The following EYS variants were observed in gnomAD, a reference collection of about 807,000 sequenced individuals.
The protein encoded by EYS is protein eyes shut homolog.
Under a neutral mutation model 282.1 loss-of-function variants are expected in EYS, and 250 were observed. The observed-to-expected ratio is 0.89, with a 90% CI of 0.80 to 0.98. The LOEUF is 0.98. Ranked by LOEUF, EYS falls within the 50% of genes least tolerant of loss-of-function variation. EYS has a pLI of 0.00. For missense variants in EYS, 4,016 were observed against 3,709.0 expected (o/e 1.08, Z -2.15); for synonymous variants, 1,355 against 1,282.9 (o/e 1.06, Z -1.20).
At chr6:65,205,187 T>C (rs1766006045) in intron 12 of EYS, among the ~76,000 whole-genome samples, 1 of 150,192 alleles carries the variant, frequency 6.7e-6, no homozygotes, top group Admixed American at 6.7e-5. Flanking sequence ...GACACATATA[T>C]ACTCAAAGTA....
chr6:64,409,583 T>C (rs1457067178), intron 28 of EYS, among the ~76,000 whole-genome samples: 1 of 152,158 alleles, frequency 6.6e-6, no homozygotes, highest in Non-Finnish European at 1.5e-5. Flanking sequence ...ACCATGCCAC[T>C]GGTCATGAGG....
At chr6:65,171,462 C>T (rs776486911) in intron 12 of EYS, among the ~76,000 whole-genome samples, 6 of 151,478 alleles carry the variant, frequency 4.0e-5, no homozygotes, top group Non-Finnish European at 7.4e-5. Flanking sequence ...GTCCAGTATG[C>T]TATTCATACT....
At chr6:65,625,410 A>G (rs73453388) in intron 2 of EYS, among the ~76,000 whole-genome samples, 1 of 152,330 alleles carries the variant, frequency 6.6e-6, no homozygotes, top group African/African-American at 2.4e-5. Context: ...ACAGAAAACT[A>G]ATGCAGGCAT....
intron 6 of EYS, among the ~76,000 whole-genome samples, chr6:65,403,477 G>A (rs139192712): frequency 8.9e-4 from 135 of 151,428 alleles, no homozygotes; most frequent in Non-Finnish European, 1.5e-3. Context: ...AGATTCCAAG[G>A]TAAAAAGCCC....
chr6:65,393,138 C>G (rs1414193639), intron 7 of EYS, among the ~76,000 whole-genome samples: 1 of 144,040 alleles, frequency 6.9e-6, no homozygotes, highest in Non-Finnish European at 1.5e-5. Context: ...CACATGGACA[C>G]AGGAAGGGGA....
At chr6:64,496,003 A>G (rs928892725) in intron 26 of EYS, among the ~76,000 whole-genome samples, 18 of 151,994 alleles carry the variant, frequency 1.2e-4, no homozygotes, top group African/African-American at 4.1e-4. Flanking sequence ...TTCCTACTAG[A>G]AGAGGCAACA....
intron 36 of EYS, among the ~76,000 whole-genome samples, chr6:63,850,940 C>A (rs1198559865): frequency 6.6e-6 from 1 of 152,096 alleles, no homozygotes; most frequent in Non-Finnish European, 1.5e-5. Flanking sequence ...ATCTCACATG[C>A]AAAGACACAC....
intron 8 of EYS, among the ~76,000 whole-genome samples, chr6:65,355,970 C>G (rs1385363604): frequency 6.6e-6 from 1 of 152,016 alleles, no homozygotes; most frequent in Non-Finnish European, 1.5e-5. Context: ...AGCAATTGCA[C>G]TACCGGATAT....
chr6:63,793,952 G>A (rs1314493151), intron 37 of EYS, among the ~76,000 whole-genome samples: 2 of 152,168 alleles, frequency 1.3e-5, no homozygotes, highest in Admixed American at 6.5e-5. Flanking sequence ...GTCTGAAAGC[G>A]ATGTGGCTGC....
chr6:64,521,655 A>C (rs1407067433), intron 26 of EYS, among the ~76,000 whole-genome samples: 4 of 151,828 alleles, frequency 2.6e-5, no homozygotes, highest in Admixed American at 6.6e-5. Context: ...GTTCTTCTTG[A>C]AAAGGGTGAC....
chr6:65,488,706 A>G (rs1468252319), intron 5 of EYS, among the ~76,000 whole-genome samples: 1 of 152,180 alleles, frequency 6.6e-6, no homozygotes, highest in African/African-American at 2.4e-5. Context: ...TGGAGGTATC[A>G]TGCTACCTAA....
intron 7 of EYS, among the ~76,000 whole-genome samples, chr6:65,399,115 C>A (rs909680643): frequency 6.6e-5 from 10 of 150,790 alleles, no homozygotes; most frequent in African/African-American, 2.5e-4. Context: ...GGTCTCCCTT[C>A]CCTTGGGAAC....
At chr6:64,010,766 A>C (rs550137105) in intron 33 of EYS, among the ~76,000 whole-genome samples, 36 of 152,270 alleles carry the variant, frequency 2.4e-4, no homozygotes, top group Non-Finnish European at 4.9e-4. Context: ...TGAAACCGGA[A>C]TCTTCGCTAA....
intron 12 of EYS, 24 bp from the exon 13 acceptor site, chr6:65,057,751 T>G: frequency 7.8e-7 from 1 of 1,280,428 alleles, no homozygotes. Flanking sequence ...GAAAAAAAAA[T>G]GTTAAGTGTT....
intron 13 of EYS, among the ~76,000 whole-genome samples, chr6:65,010,404 A>C (rs962733208): frequency 2.0e-5 from 3 of 152,218 alleles, no homozygotes; most frequent in Non-Finnish European, 4.4e-5. Context: ...CTATTACTTG[A>C]AGGGCCAGTG....
intron 12 of EYS, among the ~76,000 whole-genome samples, chr6:65,099,405 T>A (rs1302239789): frequency 6.6e-6 from 1 of 150,712 alleles, no homozygotes; most frequent in Non-Finnish European, 1.5e-5. Flanking sequence ...AGTAAGAAAA[T>A]CATATTCTCT....
intron 22 of EYS, among the ~76,000 whole-genome samples, chr6:64,671,901 AC>A (rs1353699671): frequency 3.9e-5 from 6 of 152,176 alleles, no homozygotes; most frequent in Non-Finnish European, 7.4e-5. Context: ...TAGAAAAAAA[AC>A]AATAATTTAT....
rs1407531109 is a variant in EYS, at chr6:63,963,091, A to G, written c.7055+21292T>C. Among the ~76,000 whole-genome samples the G allele has an allele frequency of 5.3e-5, 7 of 132,512 alleles. No individual in the cohort carries two copies. In the South Asian group the frequency reaches 2.0e-3, roughly 37 times the overall value. 86.9% of individuals were successfully genotyped at this position (132,512 alleles called of 152,430 possible). ...ACTTGGACACAGGAAGGGGAACATC[A>G]CACACAGGGGCCTGTTGTGGGGTGG... On this transcript the variant is annotated intron_variant, in intron 35 of 42. Transcript: ENST00000503581.
At chr6:63,868,792 C>T (rs2149711638) in intron 35 of EYS, among the ~76,000 whole-genome samples, 1 of 152,298 alleles carries the variant, frequency 6.6e-6, no homozygotes, top group African/African-American at 2.4e-5. Flanking sequence ...TCCCCTCTCC[C>T]CTGCAAGAAT....
Sources: allele counts gnomAD v4.1 joint callset (sites outside exome capture counted in the v4.1 genomes callset), GRCh38; gene constraint gnomAD v4.1.1; transcripts MANE v1.5; gene names NCBI Gene and HGNC (gene_info 2026-07-23, HGNC 2026-07-21).